TCF7L2: variants seen among roughly 807,000 people sequenced by gnomAD.
The protein encoded by TCF7L2 is transcription factor 7-like 2.
Under a neutral mutation model 77.9 loss-of-function variants are expected in TCF7L2, and 23 were observed. That is an observed-to-expected ratio of 0.30 (90% CI 0.21 to 0.42). TCF7L2 has a LOEUF of 0.42. Ranked by LOEUF, TCF7L2 falls within the 10% of genes least tolerant of loss-of-function variation. The pLI is 1.00. For synonymous variants in TCF7L2, 413 were observed against 340.2 expected (o/e 1.21, Z -2.36); for missense variants, 654 against 793.1 (o/e 0.82, Z 2.11).
chr10:113,048,910 A>G (rs1224864371), intron 5 of TCF7L2, among the ~76,000 whole-genome samples: 1 of 152,174 alleles, frequency 6.6e-6, no homozygotes, highest in African/African-American at 2.4e-5. Context: ...AAGTCATTTG[A>G]TGATTGTTTT....
At chr10:112,992,247 A>G (rs1466187304) in intron 4 of TCF7L2, among the ~76,000 whole-genome samples, 2 of 152,180 alleles carry the variant, frequency 1.3e-5, no homozygotes, top group Non-Finnish European at 2.9e-5. Context: ...AGCTCTGCCC[A>G]TCCGTCCCCT....
intron 5 of TCF7L2, among the ~76,000 whole-genome samples, chr10:113,055,262 C>T (rs2055186808): frequency 2.0e-5 from 3 of 152,196 alleles, no homozygotes; most frequent in Admixed American, 2.0e-4. Context: ...TAAACTCTTT[C>T]CTCATAATCA....
chr10:112,987,357 A>G (rs2041730727), intron 4 of TCF7L2: 1 of 151,880 alleles, frequency 6.6e-6, no homozygotes, highest in African/African-American at 2.4e-5. Flanking sequence ...AAATGAAATG[A>G]TACTGTATCT....
intron 5 of TCF7L2, among the ~76,000 whole-genome samples, chr10:113,079,673 T>C (rs2059121223): frequency 6.6e-6 from 1 of 152,110 alleles, no homozygotes; most frequent in Non-Finnish European, 1.5e-5. Context: ...CCTTTTTTTT[T>C]CTGAGACAGA....
In TCF7L2 at chr10:113,088,522, G is replaced by A. The variant is rs138439442; in HGVS notation, c.552+48396G>A. Among the ~76,000 whole-genome samples, 316 of 152,334 alleles carry A rather than the reference G, an allele frequency of 2.1e-3. 1 individual carries two copies. The highest frequency in any genetic ancestry group is 5.0e-3 in the Admixed American group (77 of 15,310). ...AAACTGTAGCAGCTATTGTGATAGG[G>A]TTTGAAATTCAAATTAACGCATATT... is the stretch of plus-strand genomic sequence containing the variant. On this transcript the variant is annotated intron_variant, in intron 5 of 13. Coordinates refer to ENST00000627217, the MANE Select transcript of TCF7L2 (RefSeq NM_001146274.2).
chr10:113,161,350 T>C (rs764462909), intron 13 of TCF7L2: 2 of 570,102 alleles, frequency 3.5e-6, no homozygotes, highest in East Asian at 2.9e-5. Flanking sequence ...TAACAAAATA[T>C]ATGTGTGTAT....
At chr10:112,957,567 A>G (rs900516594) in intron 3 of TCF7L2, among the ~76,000 whole-genome samples, 1 of 152,144 alleles carries the variant, frequency 6.6e-6, no homozygotes. Flanking sequence ...AAAGTATAAT[A>G]CAAGAGAACA....
chr10:113,070,861 C>T (rs1048501424), intron 5 of TCF7L2, among the ~76,000 whole-genome samples: 4 of 152,160 alleles, frequency 2.6e-5, no homozygotes, highest in Middle Eastern at 3.2e-3. Flanking sequence ...AGGAGTTGTG[C>T]GAGCATCGTC....
intron 4 of TCF7L2, among the ~76,000 whole-genome samples, chr10:113,003,730 T>G (rs566910330): frequency 6.6e-6 from 1 of 152,212 alleles, no homozygotes; most frequent in Non-Finnish European, 1.5e-5. Context: ...ACTTTTCTTT[T>G]AGGGAACTTG....
chr10:113,012,704 C>A (rs895144781), intron 4 of TCF7L2, among the ~76,000 whole-genome samples: 5 of 152,150 alleles, frequency 3.3e-5, no homozygotes, highest in Non-Finnish European at 2.9e-5. Flanking sequence ...CATACAAGCA[C>A]CTGCCTGGCT....
At chr10:112,962,660 A>G (rs1240505579) in intron 3 of TCF7L2, among the ~76,000 whole-genome samples, 1 of 152,082 alleles carries the variant, frequency 6.6e-6, no homozygotes, top group Non-Finnish European at 1.5e-5. Flanking sequence ...GTGCAGCGAT[A>G]AGGTCTTGGC....
At position 112,997,646 on chromosome 10, in the gene TCF7L2, C is replaced by T. The variant is rs1208877629; in HGVS notation, c.450+33022C>T. 4.6e-5 allele frequency among the ~76,000 whole-genome samples: 7 copies of T among 152,188 alleles called. No homozygotes were observed. In the East Asian group the frequency reaches 7.7e-4, roughly 17 times the overall value. On this transcript the variant is annotated intron_variant, in intron 4 of 13. Transcript: ENST00000627217. ...TGACCAGGGACCTGAGGGGCATGGTCGAGCAGATGACAGCCTTTGTAAAAC... is the reference window on the plus strand; with the variant it reads ...TGACCAGGGACCTGAGGGGCATGGTTGAGCAGATGACAGCCTTTGTAAAAC...
At chr10:112,984,004 C>A (rs1401111481) in intron 4 of TCF7L2, among the ~76,000 whole-genome samples, 1 of 152,190 alleles carries the variant, frequency 6.6e-6, no homozygotes, top group African/African-American at 2.4e-5. Flanking sequence ...TTGAAAACAA[C>A]CGTTGTTTTC....
intron 5 of TCF7L2, among the ~76,000 whole-genome samples, chr10:113,050,922 G>C (rs995993505): frequency 6.6e-6 from 1 of 152,084 alleles, no homozygotes; most frequent in African/African-American, 2.4e-5. Flanking sequence ...ATAACACCCA[G>C]GTGCTGAACT....
At chr10:113,098,696 ACT>A (rs1417027704) in intron 5 of TCF7L2, among the ~76,000 whole-genome samples, 1 of 152,044 alleles carries the variant, frequency 6.6e-6, no homozygotes, top group Non-Finnish European at 1.5e-5. Flanking sequence ...ACAAAGTGAG[ACT>A]CTGTCTCAAA....
rs545505475 is a variant in TCF7L2 at position 112,973,220 on chromosome 10, A to C, written c.450+8596A>C. ...GGGTGTCAGGTTCTGTAAGCTTGGA[A>C]CGGGTCCTGACATTTGCAAGCTTTT... On this transcript the variant is annotated intron_variant, in intron 4 of 13. Transcript: ENST00000627217. 2.6e-5 allele frequency among the ~76,000 whole-genome samples: 4 copies of C among 152,302 alleles called. No homozygotes were observed. The East Asian group carries it at 7.7e-4, about 29-fold the overall frequency.
rs1051128635 is a variant in TCF7L2, at chr10:113,167,121, T to C, written c.*1149T>C. The C allele has an allele frequency of 3.5e-5, 8 of 229,456 alleles. No individual in the cohort carries two copies. Among genetic ancestry groups the C allele is most frequent in the African/African-American group, 1.6e-4 (7 of 45,142 alleles). The allele number at this position is 229,456 out of a possible 1,614,324, so 14.2% of individuals were successfully genotyped here. A position where few individuals can be genotyped will look rare whatever the true frequency, so the allele number is the denominator to read the frequency against. ...TTTCTCCCTCTTTTTGATGCTGTAA[T>C]TTTTGTTCATCATGTTTTGCTGTGA... On this transcript the variant is annotated 3_prime_UTR_variant, in exon 14 of 14. Transcript: ENST00000627217.
chr10:113,027,419 A>G (rs1466198316), intron 4 of TCF7L2, among the ~76,000 whole-genome samples: 1 of 152,138 alleles, frequency 6.6e-6, no homozygotes, highest in East Asian at 1.9e-4. Context: ...CCAGGGAGAA[A>G]GTCTTTCTTA....
chr10:113,103,820 G>T (rs746636445), intron 5 of TCF7L2, among the ~76,000 whole-genome samples: 1 of 152,184 alleles, frequency 6.6e-6, no homozygotes, highest in South Asian at 2.1e-4. Context: ...TACACTAGGA[G>T]GAGAAGCAAG....
Sources: gnomAD v4.1 joint callset for allele counts (sites outside exome capture counted in the v4.1 genomes callset) on GRCh38, gnomAD v4.1.1 for gene constraint, MANE v1.5 for transcripts, NCBI Gene and HGNC (gene_info 2026-07-23, HGNC 2026-07-21) for gene names.